Variants in HVCN1 observed in about 807,000 individuals in gnomAD.
The protein encoded by HVCN1 is voltage-gated hydrogen channel 1.
A neutral mutation model predicts 29.2 loss-of-function variants in HVCN1; 14 were observed. The ratio of observed to expected loss-of-function variants is 0.48; its 90% CI spans 0.32 to 0.75. The LOEUF is 0.75. Among genes scored for constraint, HVCN1 ranks in the 30% least tolerant of loss-of-function variants. HVCN1 has a pLI of 0.04. For synonymous variants in HVCN1, 131 were observed against 133.2 expected, an observed-to-expected ratio of 0.98 and a Z score of 0.11; for missense variants, 263 against 341.8, an observed-to-expected ratio of 0.77 and a Z score of 1.82.
In HVCN1 at chr12:110,661,645, C is replaced by T. The variant is rs1274130750; in HGVS notation, c.22-197G>A. Among the ~76,000 whole-genome samples, 2 of 152,178 alleles carry T rather than the reference C, an allele frequency of 1.3e-5. No individual in the cohort carries two copies. On this transcript the variant is annotated intron_variant, in intron 3 of 7. Coordinates refer to ENST00000242607, the MANE Select transcript of HVCN1 (RefSeq NM_032369.4). The surrounding 1 kb of genome is among the most constrained non-coding windows in gnomAD (Gnocchi z 6.2). ...CAGGGTCTCAGTGTCTATGAGGCAA[C>T]AGGAAACTCCTGCCCCCAGCAGGCC...
At chr12:110,655,454 A>T in intron 4 of HVCN1, 116 bp from the exon 5 acceptor site, 1 of 726,064 alleles carries the variant, frequency 1.4e-6, no homozygotes, top group Non-Finnish European at 2.4e-6. Context: ...AAAGCCATTA[A>T]GGATGGGAGG....
At chr12:110,694,062 G>A (rs1375490112), upstream of HVCN1, among the ~76,000 whole-genome samples, 1 of 152,148 alleles carries the variant, frequency 6.6e-6, no homozygotes, top group African/African-American at 2.4e-5. The surrounding 1 kb of genome is among the most constrained non-coding windows in gnomAD (Gnocchi z 4.6). Context: ...TGTTCATGGA[G>A]CGTGTACTTA....
rs370890423 is a variant in HVCN1, at chr12:110,661,470, C to A, written c.22-22G>T. On this transcript the variant is annotated intron_variant, in intron 3 of 7. Coordinates refer to ENST00000242607, the MANE Select transcript of HVCN1 (RefSeq NM_032369.4). The surrounding 1 kb of genome is among the most constrained non-coding windows in gnomAD (Gnocchi z 6.2). ...CTGCCTAGAAGGCGGGGACAGAGAGCAAGAGCTTCAGGCAGTTGGCCACTC... is the reference window on the plus strand; with the variant it reads ...CTGCCTAGAAGGCGGGGACAGAGAGAAAGAGCTTCAGGCAGTTGGCCACTC... The A allele has an allele frequency of 2.5e-6, 4 of 1,608,616 alleles. No homozygotes were observed. In the African/African-American group the frequency reaches 5.3e-5, roughly 21 times the overall value.
At position 110,661,178 on chromosome 12, in the gene HVCN1, A is replaced by T; in HGVS notation, c.292T>A (p.Ser98Thr). The change falls in exon 4 of 8, where the codon TCC becomes ACC. Residue 98 changes from serine to threonine, a missense_variant. Around this residue, in one of 3 missense-constraint regions of HVCN1, gnomAD observed 157 missense variants for 181.3 expected, o/e 0.87. Coordinates refer to ENST00000242607, the MANE Select transcript of HVCN1 (RefSeq NM_032369.4). The surrounding 1 kb of genome is among the most constrained non-coding windows in gnomAD (Gnocchi z 6.2). ...FRGMLRKLFS[S>T]HRFQVIIICL... ...GCCCCACCTACCTGAAACCTGTGGG[A>T]GCTGAACAGTTTCCTCAACATGCCC... The T allele has an allele frequency of 6.2e-7, 1 of 1,607,054 alleles. No homozygotes were observed. The highest frequency in any genetic ancestry group is 8.5e-7 in the Non-Finnish European group (1 of 1,175,384).
chr12:110,703,447 G>A lies in HVCN1; in HGVS notation c.-228-1014C>T, dbSNP rs114540210. ...AAAATTTAAAAAATCATCTTGTGGC[G>A]ATCCAAGCAGAAATATTTATACATA... On this transcript the variant is annotated intron_variant, in intron 1 of 4. Transcript: ENST00000546713. Among the ~76,000 whole-genome samples the A allele has an allele frequency of 6.2e-3, 935 of 151,846 alleles. 16 individuals are homozygous for A. Among genetic ancestry groups the A allele is most frequent in the African/African-American group, 0.021 (857 of 41,412 alleles).
chr12:110,677,390 C>T (rs986272814), intron 3 of HVCN1, among the ~76,000 whole-genome samples: 2 of 152,130 alleles, frequency 1.3e-5, no homozygotes, highest in South Asian at 2.1e-4. Context: ...ACTTCTTTTG[C>T]GTAGAATGTG....
At chr12:110,673,634 G>T (rs1169306754) in intron 3 of HVCN1, among the ~76,000 whole-genome samples, 3 of 152,154 alleles carry the variant, frequency 2.0e-5, no homozygotes, top group Non-Finnish European at 4.4e-5. Flanking sequence ...TAGGGACTTG[G>T]TGCCCTGTGT....
intron 3 of HVCN1, among the ~76,000 whole-genome samples, chr12:110,668,889 G>C (rs1004275469): frequency 2.0e-5 from 3 of 152,124 alleles, no homozygotes; most frequent in Non-Finnish European, 4.4e-5. Context: ...CTCGCCCCCT[G>C]CTTCTCCTGC....
Position 110,648,986 on chromosome 12 carries a change from A to T in HVCN1, c.*424T>A, listed in dbSNP as rs1015249313. ...AAGCTATTTAGAACAGCTTGAAAAT[A>T]AGAGACTTTTCTAGAATGGGGTGGC... is the stretch of plus-strand genomic sequence containing the variant. On this transcript the variant is annotated 3_prime_UTR_variant, in exon 8 of 8. Transcript: ENST00000242607. 2 of 450,140 alleles carry T rather than the reference A, an allele frequency of 4.4e-6. No individual in the cohort carries two copies. The highest frequency in any genetic ancestry group is 4.1e-5 in the African/African-American group (2 of 48,946). The allele number at this position is 450,140 out of a possible 1,614,324, so 27.9% of individuals were successfully genotyped here. A position where few individuals can be genotyped will look rare whatever the true frequency, so the allele number is the denominator to read the frequency against.
At chr12:110,665,245 TAAA>T (rs56317457) in intron 3 of HVCN1, among the ~76,000 whole-genome samples, 19,484 of 152,014 alleles carry the variant, frequency 0.13, 1,706 homozygotes, top group African/African-American at 0.25. Flanking sequence ...CCACAACTAA[TAAA>T]AAAATCAGCT....
chr12:110,669,556 C>T (rs1031723019), intron 3 of HVCN1, among the ~76,000 whole-genome samples: 2 of 152,168 alleles, frequency 1.3e-5, no homozygotes, highest in African/African-American at 4.8e-5. Flanking sequence ...TCCAGGACTC[C>T]GCATGGCCTG....
chr12:110,652,241 C>T (rs1417478283), intron 5 of HVCN1, among the ~76,000 whole-genome samples: 1 of 152,054 alleles, frequency 6.6e-6, no homozygotes, highest in African/African-American at 2.4e-5. Context: ...TAAAAAAATA[C>T]AAAAAGTTAG....
chr12:110,697,130 C>A (rs1163499974), intron 2 of HVCN1, among the ~76,000 whole-genome samples: 1 of 151,344 alleles, frequency 6.6e-6, no homozygotes, highest in Admixed American at 6.8e-5. Context: ...TGGAGGATGT[C>A]CCCATTTTTG....
At chr12:110,666,870 G>A (rs748592442) in intron 3 of HVCN1, among the ~76,000 whole-genome samples, 13 of 152,100 alleles carry the variant, frequency 8.5e-5, no homozygotes, top group Non-Finnish European at 1.5e-5. Context: ...CCTCATCCTA[G>A]TTTCTAACTA....
intron 2 of HVCN1, among the ~76,000 whole-genome samples, chr12:110,684,178 A>G (rs2069095804): frequency 6.6e-6 from 1 of 152,134 alleles, no homozygotes; most frequent in African/African-American, 2.4e-5. Context: ...GGGATGATGC[A>G]AATGTTCTGT....
upstream of HVCN1, chr12:110,689,192 C>G (rs1290401237): frequency 6.6e-6 from 1 of 151,638 alleles, no homozygotes; most frequent in East Asian, 2.0e-4. The surrounding 1 kb of genome is among the most constrained non-coding windows in gnomAD (Gnocchi z 5.7). Flanking sequence ...CGGGCCGCCC[C>G]CGCCCCCGTC....
At chr12:110,697,476 G>T (rs561402765) in intron 2 of HVCN1, among the ~76,000 whole-genome samples, 1 of 152,060 alleles carries the variant, frequency 6.6e-6, no homozygotes, top group Non-Finnish European at 1.5e-5. Flanking sequence ...GGTGAACAGC[G>T]CAGAGAGGGA....
At chr12:110,683,025 TG>T in intron 3 of HVCN1, 199 bp downstream of exon 3, 1 of 643,612 alleles carries the variant, frequency 1.6e-6, no homozygotes, top group Non-Finnish European at 2.7e-6. Flanking sequence ...GGGATTCAAA[TG>T]GTCTGATGTG....
At chr12:110,652,606 AGATT>A (rs1245359383) in intron 5 of HVCN1, among the ~76,000 whole-genome samples, 4 of 152,216 alleles carry the variant, frequency 2.6e-5, no homozygotes, top group Non-Finnish European at 5.9e-5. Context: ...AGAATGACTA[AGATT>A]GATTGTAACA....
Sources: allele counts gnomAD v4.1 joint callset (sites outside exome capture counted in the v4.1 genomes callset), GRCh38; gene constraint gnomAD v4.1.1; regional missense constraint gnomAD v4.1.1; non-coding constraint Gnocchi (gnomAD v3.1); transcripts MANE v1.5; gene names NCBI Gene and HGNC (gene_info 2026-07-23, HGNC 2026-07-21).